CACNA1I: variants seen among roughly 807,000 people sequenced by gnomAD.
The protein encoded by CACNA1I is voltage-dependent T-type calcium channel subunit alpha-1I.
A neutral mutation model predicts 201.6 loss-of-function variants in CACNA1I; 74 were observed. That is an observed-to-expected ratio of 0.37 (90% confidence interval 0.30 to 0.45). The LOEUF (loss-of-function observed/expected upper bound fraction) is 0.45, where lower values mean the gene tolerates loss of function less well. Ranked by LOEUF, CACNA1I falls within the 20% of genes least tolerant of loss-of-function variation. The pLI is 1.00. For synonymous variants in CACNA1I, 1,431 were observed against 1,345.2 expected (o/e 1.06, Z -1.40); for missense variants, 2,346 against 3,138.1 (o/e 0.75, Z 6.03).
rs1361310296 is a variant in CACNA1I at position 39,686,093 on chromosome 22, C to A, written c.6360C>A (p.Gly2120=). Residue 2120 remains glycine, a synonymous_variant, in exon 37 of 37, where the codon GGC becomes GGA. Transcript: ENST00000402142. ...GTGGCGCGGGCGGCGGGGGCGCGGG[C>A]AGCGAGCACTCGGAGACCCTCAGCA... ...GRGGAGGGGA[G]SEHSETLSSL... 8.6e-7 allele frequency: 1 copy of A among 1,159,616 alleles called. No individual in the cohort carries two copies. The highest frequency in any genetic ancestry group is 4.6e-5 in the Admixed American group (1 of 21,668). The allele number at this position is 1,159,616 out of a possible 1,614,324, so 71.8% of individuals were successfully genotyped here.
intron 1 of CACNA1I, among the ~76,000 whole-genome samples, chr22:39,585,483 G>A (rs1324696240): frequency 1.5e-5 from 2 of 137,300 alleles, no homozygotes; most frequent in East Asian, 2.3e-4. Flanking sequence ...TCTTCCTCCC[G>A]ATTTTAAGCG....
At chr22:39,613,347 C>A (rs1023271423) in intron 3 of CACNA1I, among the ~76,000 whole-genome samples, 4 of 152,204 alleles carry the variant, frequency 2.6e-5, no homozygotes, top group African/African-American at 9.6e-5. Flanking sequence ...CCCAGAGGTG[C>A]CCTCATAGAG....
At chr22:39,623,005 G>T (rs1029967495) in intron 4 of CACNA1I, among the ~76,000 whole-genome samples, 3 of 152,228 alleles carry the variant, frequency 2.0e-5, no homozygotes, top group Non-Finnish European at 2.9e-5. Flanking sequence ...AGGGATGTTT[G>T]TACGTGATCT....
At position 39,676,042 on chromosome 22, in the gene CACNA1I, G is replaced by C. The variant is rs529268840; in HGVS notation, c.4855-1299G>C. Among the ~76,000 whole-genome samples the C allele has an allele frequency of 3.3e-5, 5 of 152,336 alleles. No individual in the cohort carries two copies. The highest frequency in any genetic ancestry group is 1.2e-4 in the African/African-American group (5 of 41,572). On this transcript the variant is annotated intron_variant, in intron 29 of 36. Transcript: ENST00000402142. This position sits in a 1 kb window ranked among gnomAD's most constrained non-coding sequence, Gnocchi z 4.8. ...AGAAGGTGGCTCTGCTGGCTGGGAG[G>C]AGAATGGATTGGAGGGAGAGGCTGG...
At chr22:39,682,852 G>T (rs564002255) in intron 35 of CACNA1I, among the ~76,000 whole-genome samples, 191 bp downstream of exon 35, 61 of 152,262 alleles carry the variant, frequency 4.0e-4, no homozygotes, top group Non-Finnish European at 8.2e-4. Context: ...AAGATCAAGA[G>T]CCAAATAGTA....
Position 39,665,921 on chromosome 22 carries a change from C to T in CACNA1I, c.4019C>T (p.Thr1340Ile), listed in dbSNP as rs1293919358. ...TTCTACCACTGTCTGGGCGTGGACA[C>T]CCGCAACATCACCAACCGCTCGGAC... ...GKFYHCLGVDTRNITNRSDCM... is the reference protein window; with the variant it reads ...GKFYHCLGVDIRNITNRSDCM... Residue 1340 changes from threonine to isoleucine, a missense_variant, in exon 23 of 37, where the codon ACC becomes ATC. Transcript: ENST00000402142. The surrounding 1 kb of genome is among the most constrained non-coding windows in gnomAD (Gnocchi z 5.5). 1 of 1,613,830 alleles carries T rather than the reference C, an allele frequency of 6.2e-7. No homozygotes were observed. The highest frequency in any genetic ancestry group is 1.1e-5 in the South Asian group (1 of 91,076).
At chr22:39,654,592 G>A (rs1337891954) in intron 10 of CACNA1I, among the ~76,000 whole-genome samples, 1 of 152,186 alleles carries the variant, frequency 6.6e-6, no homozygotes, top group Non-Finnish European at 1.5e-5. Context: ...GCCAATCCAG[G>A]TCTGGGGTGA....
chr22:39,663,732 GTCAGA>G lies in CACNA1I; in HGVS notation c.3489_3493del (p.Gln1164HisfsTer279). Reference sequence around the variant, plus strand: ...ACCCTGCCCAGGTTCCGGGTCCTGTGTCAGACCATTATTGCCCACAAACTCTTCGA... The same window carrying G: ...ACCCTGCCCAGGTTCCGGGTCCTGTGCCATTATTGCCCACAAACTCTTCGA... On this transcript the variant is annotated frameshift_variant, in exon 19 of 37. Transcript: ENST00000402142. LOFTEE classifies it high-confidence loss of function. 6.3e-7 allele frequency: 1 copy of G among 1,594,118 alleles called. No homozygotes were observed. Among genetic ancestry groups the G allele is most frequent in the Non-Finnish European group, 8.6e-7 (1 of 1,163,030 alleles).
In CACNA1I at chr22:39,689,114, A is replaced by G. The variant is rs1935963885; in HGVS notation, c.*2709A>G. On this transcript the variant is annotated 3_prime_UTR_variant, in exon 37 of 37. Transcript: ENST00000402142. ...AGGCTTGTGTCTATCACAAAAGCAC[A>G]AACTTGCCCTAACCCACATGGGCCT... The G allele has an allele frequency of 6.5e-6, 1 of 152,776 alleles. No homozygotes were observed. The highest frequency in any genetic ancestry group is 1.5e-5 in the Non-Finnish European group (1 of 68,120). 9.5% of individuals were successfully genotyped at this position (152,776 alleles called of 1,614,324 possible).
rs1321058159 is a variant in CACNA1I, at chr22:39,687,026, C to G, written c.*621C>G. 1 of 152,146 alleles carries G rather than the reference C, an allele frequency of 6.6e-6. No homozygotes were observed. The highest frequency in any genetic ancestry group is 1.5e-5 in the Non-Finnish European group (1 of 68,022). The allele number at this position is 152,146 out of a possible 1,614,324, so 9.4% of individuals were successfully genotyped here. ...CGGGGTGTCTGTCCTGTCATCCTGA[C>G]TGTCTCGTTATTGTGAAGTCTTTCG... On this transcript the variant is annotated 3_prime_UTR_variant, in exon 37 of 37. Transcript: ENST00000402142.
intron 4 of CACNA1I, among the ~76,000 whole-genome samples, chr22:39,632,767 G>C (rs2146410321): frequency 6.6e-6 from 1 of 152,336 alleles, no homozygotes. Context: ...TGGCCTACTT[G>C]AGTCAGGGAA....
chr22:39,615,673 A>C (rs1227552233), intron 3 of CACNA1I, among the ~76,000 whole-genome samples: 1 of 152,152 alleles, frequency 6.6e-6, no homozygotes, highest in Non-Finnish European at 1.5e-5. Context: ...TCTTCTGCTC[A>C]GAGAAGAATG....
Position 39,640,403 on chromosome 22 carries a change from GA to G in CACNA1I, c.741-461del, listed in dbSNP as rs1934323427. Among the ~76,000 whole-genome samples the G allele has an allele frequency of 1.3e-5, 2 of 152,074 alleles. 1 individual carries two copies. Among genetic ancestry groups the G allele is most frequent in the South Asian group, 4.1e-4 (2 of 4,820 alleles). ...GACTCGGTCTAAAAAAGAAAAAAAA[GA>G]AACGAAGTCTAGAGAGAGGAAGTGA... On this transcript the variant is annotated intron_variant, in intron 5 of 36. Transcript: ENST00000402142.
chr22:39,578,585 T>TCTCCCCTGGGCC (rs1569044678), intron 1 of CACNA1I, among the ~76,000 whole-genome samples: 2 of 151,656 alleles, frequency 1.3e-5, no homozygotes, highest in East Asian at 3.9e-4. Flanking sequence ...TCCCCTGGGC[T>TCTCCCCTGGGCC]CCCCCTCTCC....
In CACNA1I at chr22:39,664,726, ACCCCCG is replaced by A; in HGVS notation, c.3667-8_3667-3del. On this transcript the variant is annotated splice_region_variant and splice_polypyrimidine_tract_variant and intron_variant, in intron 20 of 36. Coordinates refer to ENST00000402142, the MANE Select transcript of CACNA1I (RefSeq NM_021096.4). Reference sequence around the variant, plus strand: ...CCCGCGGCAGCCTGACCCCGGCCCCACCCCCGCCCCAGGTAGTCTCGCTGGGCCTGT... The same window carrying A: ...CCCGCGGCAGCCTGACCCCGGCCCCACCCCAGGTAGTCTCGCTGGGCCTGT... 2.2e-6 allele frequency: 1 copy of A among 455,504 alleles called. No individual in the cohort carries two copies. The highest frequency in any genetic ancestry group is 3.1e-6 in the Non-Finnish European group (1 of 320,010). 28.2% of individuals were successfully genotyped at this position (455,504 alleles called of 1,614,324 possible). A position where few individuals can be genotyped will look rare whatever the true frequency, so the allele number is the denominator to read the frequency against.
intron 4 of CACNA1I, among the ~76,000 whole-genome samples, chr22:39,627,304 C>T (rs1463254574): frequency 3.3e-5 from 5 of 152,342 alleles, no homozygotes; most frequent in African/African-American, 9.6e-5. Flanking sequence ...GCACAGGTCT[C>T]GTGGTGCTGA....
rs3044380 is a variant in CACNA1I, at chr22:39,598,941, GTTTTTTTTTT to G, written c.348+694_348+703del. 2.1e-4 allele frequency among the ~76,000 whole-genome samples: 14 copies of G among 68,266 alleles called. No individual in the cohort carries two copies. In the South Asian group the frequency reaches 2.1e-3, roughly 10 times the overall value. The allele number at this position is 68,266 out of a possible 152,430, so 44.8% of individuals were successfully genotyped here. Reference sequence around the variant, plus strand: ...GGAGGCATTGCTTTCTGCCTCTTGGGTTTTTTTTTTTTTTTTTTTTTTTTGAGACAGAGTC... The same window carrying G: ...GGAGGCATTGCTTTCTGCCTCTTGGGTTTTTTTTTTTTTTGAGACAGAGTC... On this transcript the variant is annotated intron_variant, in intron 2 of 36. Transcript: ENST00000402142.
intron 3 of CACNA1I, among the ~76,000 whole-genome samples, chr22:39,602,935 T>C (rs564554541): frequency 5.9e-5 from 9 of 152,084 alleles, no homozygotes; most frequent in Non-Finnish European, 1.2e-4. Context: ...GAGGATTCCT[T>C]GAGCCTAGGA....
At chr22:39,628,860 G>C (rs989845629) in intron 4 of CACNA1I, among the ~76,000 whole-genome samples, 34 of 152,310 alleles carry the variant, frequency 2.2e-4, no homozygotes, top group African/African-American at 8.2e-4. Context: ...TGGGCCACGG[G>C]CTGTGCCCTG....
Sources: allele counts gnomAD v4.1 joint callset (sites outside exome capture counted in the v4.1 genomes callset), GRCh38; gene constraint gnomAD v4.1.1; non-coding constraint Gnocchi (gnomAD v3.1); transcripts MANE v1.5; gene names NCBI Gene and HGNC (gene_info 2026-07-23, HGNC 2026-07-21).